The following CBFA2T2 variants were observed in gnomAD, a reference collection of about 807,000 sequenced individuals.
The protein encoded by CBFA2T2 is protein CBFA2T2.
Under a neutral mutation model 62.2 loss-of-function variants are expected in CBFA2T2, and 11 were observed. The ratio of observed to expected loss-of-function variants is 0.18; its 90% CI spans 0.11 to 0.29. The LOEUF (loss-of-function observed/expected upper bound fraction) is 0.29. Among genes scored for constraint, CBFA2T2 ranks in the 10% least tolerant of loss-of-function variants. The probability of loss-of-function intolerance (pLI) is 1.00; values close to 1 mark genes in which losing one functional copy is unlikely to be tolerated. For missense variants in CBFA2T2, 592 were observed against 774.1 expected (o/e 0.76, Z 2.79); for synonymous variants, 295 against 287.5 (o/e 1.03, Z -0.27).
intron 3 of CBFA2T2, among the ~76,000 whole-genome samples, chr20:33,615,020 G>A (rs1489022161): frequency 6.6e-6 from 1 of 152,146 alleles, no homozygotes; most frequent in Non-Finnish European, 1.5e-5. Flanking sequence ...TTACACGTGT[G>A]GAAACACTGC....
At chr20:33,583,201 T>G (rs2014198349) in intron 1 of CBFA2T2, among the ~76,000 whole-genome samples, 1 of 152,250 alleles carries the variant, frequency 6.6e-6, no homozygotes, top group South Asian at 2.1e-4. Flanking sequence ...ATTGTTTCCA[T>G]TAGATTGTGT....
chr20:33,622,896 T>A (rs1358542233), intron 4 of CBFA2T2, among the ~76,000 whole-genome samples: 1 of 152,238 alleles, frequency 6.6e-6, no homozygotes, highest in Non-Finnish European at 1.5e-5. Flanking sequence ...ATCTCTTCCT[T>A]AAGCATATTT....
intron 1 of CBFA2T2, among the ~76,000 whole-genome samples, chr20:33,561,442 T>C (rs907994891): frequency 6.6e-6 from 1 of 152,198 alleles, no homozygotes; most frequent in African/African-American, 2.4e-5. Context: ...TAATGAAAAA[T>C]GTACAGGGAG....
intron 1 of CBFA2T2, among the ~76,000 whole-genome samples, chr20:33,517,577 G>A (rs1284987382): frequency 6.6e-6 from 1 of 151,666 alleles, no homozygotes; most frequent in Non-Finnish European, 1.5e-5. Flanking sequence ...AGCCTCTTGA[G>A]TAGCTGGGAC....
chr20:33,574,054 G>T, intron 1 of CBFA2T2: 2 of 1,429,800 alleles, frequency 1.4e-6, no homozygotes, highest in Middle Eastern at 1.9e-4. Context: ...TGCCCAAAGT[G>T]CTGGGATTAC....
chr20:33,513,519 G>A (rs1413156785), intron 1 of CBFA2T2, among the ~76,000 whole-genome samples: 4 of 151,264 alleles, frequency 2.6e-5, no homozygotes, highest in South Asian at 2.1e-4. Flanking sequence ...CCACCATCAC[G>A]CCCAGCTAAT....
At chr20:33,581,168 A>G (rs1246275807) in intron 1 of CBFA2T2, among the ~76,000 whole-genome samples, 1 of 151,396 alleles carries the variant, frequency 6.6e-6, no homozygotes, top group Non-Finnish European at 1.5e-5. Context: ...TGTTCAAGTG[A>G]TTCTCCTGCC....
intron 3 of CBFA2T2, among the ~76,000 whole-genome samples, chr20:33,618,259 A>G (rs894695880): frequency 2.6e-5 from 4 of 152,072 alleles, no homozygotes; most frequent in Admixed American, 1.3e-4. Flanking sequence ...AACACTTACA[A>G]AGTTTCTAAA....
intron 1 of CBFA2T2, among the ~76,000 whole-genome samples, chr20:33,597,783 G>A (rs1466474339): frequency 1.3e-5 from 2 of 152,174 alleles, no homozygotes; most frequent in African/African-American, 4.8e-5. Context: ...GACCACAGGT[G>A]CATGCCACTG....
chr20:33,621,608 T>A (rs574387571), intron 4 of CBFA2T2, among the ~76,000 whole-genome samples: 2 of 152,270 alleles, frequency 1.3e-5, no homozygotes, highest in Admixed American at 1.3e-4. Context: ...GCGTCTAATT[T>A]TGCCTCTTAA....
At position 33,579,554 on chromosome 20, in the gene CBFA2T2, CT is replaced by C. The variant is rs76190498; in HGVS notation, c.35-27385del. Among the ~76,000 whole-genome samples, 803 of 125,314 alleles carry C rather than the reference CT, an allele frequency of 6.4e-3. 8 individuals carry two copies. The highest frequency in any genetic ancestry group is 0.015 in the African/African-American group (518 of 34,256). The allele number at this position is 125,314 out of a possible 152,430, so 82.2% of individuals were successfully genotyped here. ...TATTATTTTACAACCCATCACGAATCTTTTTTTTTTTTTTTTTGTATGGAGT... is the reference window on the plus strand; with the variant it reads ...TATTATTTTACAACCCATCACGAATCTTTTTTTTTTTTTTTTGTATGGAGT... On this transcript the variant is annotated intron_variant, in intron 1 of 10. Transcript: ENST00000342704.
chr20:33,515,385 C>T (rs140910577), intron 1 of CBFA2T2, among the ~76,000 whole-genome samples: 1 of 148,956 alleles, frequency 6.7e-6, no homozygotes, highest in East Asian at 2.0e-4. Flanking sequence ...TGGCACTGCA[C>T]ACCAGCCTGG....
At chr20:33,552,513 A>G (rs2012767552) in intron 1 of CBFA2T2, among the ~76,000 whole-genome samples, 1 of 152,248 alleles carries the variant, frequency 6.6e-6, no homozygotes, top group Non-Finnish European at 1.5e-5. Context: ...CTGTAAAAAA[A>G]AGGAAGACAC....
In CBFA2T2 at chr20:33,622,026, A is replaced by T. The variant is rs148084020; in HGVS notation, c.511-1089A>T. Among the ~76,000 whole-genome samples the T allele has an allele frequency of 1.1e-4, 16 of 152,282 alleles. No individual in the cohort carries two copies. In the East Asian group the frequency reaches 3.1e-3, roughly 29 times the overall value. On this transcript the variant is annotated intron_variant, in intron 4 of 10. Transcript: ENST00000342704. ...ATAGGAAATAATTAGCATGTTTTTT[A>T]TTCATCATGGGACACATGTCAGCCG...
chr20:33,527,999 G>T (rs1206789506), intron 1 of CBFA2T2, among the ~76,000 whole-genome samples: 1 of 152,004 alleles, frequency 6.6e-6, no homozygotes, highest in Non-Finnish European at 1.5e-5. Flanking sequence ...AGTTGGGATT[G>T]CAGGCTCATG....
chr20:33,569,181 C>G (rs1029532133), intron 1 of CBFA2T2, among the ~76,000 whole-genome samples: 3 of 152,076 alleles, frequency 2.0e-5, no homozygotes, highest in African/African-American at 7.2e-5. Context: ...GTAGGGCACA[C>G]AAAAATTTTC....
chr20:33,510,268 T>A (rs2011485696), intron 1 of CBFA2T2, among the ~76,000 whole-genome samples: 1 of 151,372 alleles, frequency 6.6e-6, no homozygotes, highest in Non-Finnish European at 1.5e-5. Context: ...TGGAGTGCAG[T>A]GGCGCTATCT....
intron 1 of CBFA2T2, among the ~76,000 whole-genome samples, chr20:33,491,988 T>C (rs2011149982): frequency 6.6e-6 from 1 of 152,026 alleles, no homozygotes; most frequent in Non-Finnish European, 1.5e-5. Flanking sequence ...GTTCAAGCGA[T>C]TCTCCTGCAT....
chr20:33,598,314 T>C (rs1260071617), intron 1 of CBFA2T2, among the ~76,000 whole-genome samples: 2 of 152,174 alleles, frequency 1.3e-5, no homozygotes, highest in East Asian at 3.8e-4. Flanking sequence ...ATTTCACCCC[T>C]GCAGTCTCGA....
Sources: allele counts gnomAD v4.1 joint callset (sites outside exome capture counted in the v4.1 genomes callset), GRCh38; gene constraint gnomAD v4.1.1; transcripts MANE v1.5; gene names NCBI Gene and HGNC (gene_info 2026-07-23, HGNC 2026-07-21).